The following MRC1 variants were observed in gnomAD, a reference collection of about 807,000 sequenced individuals.
MRC1 encodes mannose receptor C-type 1.
Under a neutral mutation model 102.9 loss-of-function variants are expected in MRC1, and 62 were observed. The ratio of observed to expected loss-of-function variants is 0.60; its 90% confidence interval spans 0.49 to 0.74. The LOEUF is 0.74. Among genes scored for constraint, MRC1 ranks in the 30% least tolerant of loss-of-function variants. The pLI is 0.00. For synonymous variants in MRC1, 457 were observed against 298.4 expected, an observed-to-expected ratio of 1.53 and a Z score of -5.48; for missense variants, 1,237 against 862.8, an observed-to-expected ratio of 1.43 and a Z score of -5.43.
chr10:17,896,274 C>A (rs955090624), intron 23 of MRC1, among the ~76,000 whole-genome samples: 95 of 152,274 alleles, frequency 6.2e-4, no homozygotes, highest in African/African-American at 2.2e-3. Context: ...TGACTGAAAA[C>A]CATCTAAGAT....
chr10:17,906,992 T>C lies in MRC1; in HGVS notation c.3906T>C (p.Asn1302=), dbSNP rs1833904090. ...ATTTTTGGATAGGATTGTTCAGAAA[T>C]GTTGAAGGTAATTTTTGCAGCATGC... ...KTNFWIGLFR[N]VEGTWLWINN... is the part of the protein sequence containing the mutation. The change falls in exon 27 of 30, where the codon AAT becomes AAC. Residue 1302 remains asparagine, a synonymous_variant. Coordinates refer to ENST00000569591, the MANE Select transcript of MRC1 (RefSeq NM_002438.4). The C allele has an allele frequency of 3.8e-6, 3 of 782,590 alleles. No individual in the cohort carries two copies. Among genetic ancestry groups the C allele is most frequent in the Admixed American group, 1.7e-5 (1 of 58,996 alleles). 48.5% of individuals were successfully genotyped at this position (782,590 alleles called of 1,614,324 possible).
intron 22 of MRC1, 145 bp downstream of exon 22, chr10:17,885,580 G>A (rs1833581042): frequency 7.5e-6 from 5 of 667,552 alleles, no homozygotes; most frequent in South Asian, 5.5e-5. Flanking sequence ...TTCAGACTGA[G>A]CTGACTTTGA....
chr10:17,898,407 G>T lies in MRC1; in HGVS notation c.3483+141G>T, dbSNP rs1040081669. Reference sequence around the variant, plus strand: ...ATGTGAATGATACTAACATCAACAAGATCCAATCTTTCAGGGACGTGATGC... The same window carrying T: ...ATGTGAATGATACTAACATCAACAATATCCAATCTTTCAGGGACGTGATGC... On this transcript the variant is annotated intron_variant, in intron 24 of 29. Transcript: ENST00000569591. 37 of 736,646 alleles carry T rather than the reference G, an allele frequency of 5.0e-5. 1 individual carries two copies. Among genetic ancestry groups the T allele is most frequent in the African/African-American group, 4.8e-4 (28 of 58,080 alleles). 45.6% of individuals were successfully genotyped at this position (736,646 alleles called of 1,614,324 possible). A position where few individuals can be genotyped will look rare whatever the true frequency, so the allele number is the denominator to read the frequency against.
chr10:17,819,663 C>G (rs1471419830), intron 1 of MRC1, among the ~76,000 whole-genome samples: 1 of 152,124 alleles, frequency 6.6e-6, no homozygotes, highest in Non-Finnish European at 1.5e-5. Context: ...CAGTCTAGAG[C>G]TGGGTGAGGT....
rs1423792887 is a variant in MRC1, at chr10:17,827,434, A to G, written c.464-108A>G. On this transcript the variant is annotated intron_variant, in intron 2 of 29. Transcript: ENST00000569591. The stretch of plus-strand genomic sequence containing the variant: ...AAGAAATCCCTCTGTGGGTGCATCA[A>G]GTGTAATCAGAACAGTAAGACCAAT... 1.4e-5 allele frequency: 9 copies of G among 642,744 alleles called. 1 individual carries two copies. The East Asian group carries it at 2.0e-4, about 15-fold the overall frequency. The allele number at this position is 642,744 out of a possible 1,614,324, so 39.8% of individuals were successfully genotyped here.
At position 17,856,294 on chromosome 10, in the gene MRC1, A is replaced by T; in HGVS notation, c.1460A>T (p.Lys487Met). The change falls in exon 9 of 30, where the codon AAG becomes ATG. Residue 487 changes from lysine to methionine, a missense_variant. Physicochemically the swap from Lys to Met is moderately conservative, Grantham distance 95 (BLOSUM62 -1). Transcript: ENST00000569591. The stretch of plus-strand genomic sequence containing the variant: ...GAGTGGCCTCTTGGCTACATCTGCA[A>T]GATGAAATCACGAAGCCAAGGTCCA... Reference protein sequence around the residue: ...GCEWPLGYICKMKSRSQGPEI... With the variant: ...GCEWPLGYICMMKSRSQGPEI... The T allele has an allele frequency of 1.2e-6, 1 of 866,698 alleles. No homozygotes were observed. Among genetic ancestry groups the T allele is most frequent in the Non-Finnish European group, 2.0e-6 (1 of 498,956 alleles). The allele number at this position is 866,698 out of a possible 1,614,324, so 53.7% of individuals were successfully genotyped here.
intron 4 of MRC1, among the ~76,000 whole-genome samples, chr10:17,840,065 CAAAAA>C (rs35908194): frequency 1.9e-5 from 2 of 103,070 alleles, no homozygotes; most frequent in South Asian, 7.4e-4. Context: ...GACTCCAACT[CAAAAA>C]AAAAAAAAAA....
At chr10:17,810,730 C>T (rs1014571323) in intron 1 of MRC1, among the ~76,000 whole-genome samples, 1 of 152,086 alleles carries the variant, frequency 6.6e-6, no homozygotes, top group Non-Finnish European at 1.5e-5. Flanking sequence ...TAAGTGTTAG[C>T]TATTAAAATC....
Position 17,885,445 on chromosome 10 carries a change from A to G in MRC1, c.3147+10A>G. On this transcript the variant is annotated intron_variant, in intron 22 of 29. Transcript: ENST00000569591. Reference sequence around the variant, plus strand: ...TCTTTCTTATGAAGATGTAAATATCAGATTCAGGTCACCTCTCTACACACC... The same window carrying G: ...TCTTTCTTATGAAGATGTAAATATCGGATTCAGGTCACCTCTCTACACACC... 1 of 780,678 alleles carries G rather than the reference A, an allele frequency of 1.3e-6. No homozygotes were observed. The highest frequency in any genetic ancestry group is 2.4e-6 in the Non-Finnish European group (1 of 417,932). 48.4% of individuals were successfully genotyped at this position (780,678 alleles called of 1,614,324 possible). A position where few individuals can be genotyped will look rare whatever the true frequency, so the allele number is the denominator to read the frequency against.
At chr10:17,849,152 A>G (rs1838873373) in intron 6 of MRC1, among the ~76,000 whole-genome samples, 1 of 149,158 alleles carries the variant, frequency 6.7e-6, no homozygotes, top group South Asian at 2.3e-4. Context: ...GAGATTTCCC[A>G]TAGCCAAGTA....
Position 17,885,374 on chromosome 10 carries a change from A to G in MRC1, c.3086A>G (p.His1029Arg). The change falls in exon 22 of 30, where the codon CAT becomes CGT. Residue 1029 changes from histidine to arginine, a missense_variant. Physicochemically the swap from His to Arg is conservative, Grantham distance 29. Coordinates refer to ENST00000569591, the MANE Select transcript of MRC1 (RefSeq NM_002438.4). ...TFLWTDGRGVHYTNWGKGYPG... is the reference protein window; with the variant it reads ...TFLWTDGRGVRYTNWGKGYPG... ...CTTTGGACGGATGGACGAGGAGTCC[A>G]TTACACAAACTGGGGGAAAGGTTAC... 1.3e-6 allele frequency: 1 copy of G among 780,890 alleles called. No homozygotes were observed. Among genetic ancestry groups the G allele is most frequent in the Non-Finnish European group, 2.4e-6 (1 of 417,954 alleles). 48.4% of individuals were successfully genotyped at this position (780,890 alleles called of 1,614,324 possible).
In MRC1 at chr10:17,861,417, A is replaced by G; in HGVS notation, c.1549A>G (p.Met517Val). 1 of 872,530 alleles carries G rather than the reference A, an allele frequency of 1.1e-6. No individual in the cohort carries two copies. Among genetic ancestry groups the G allele is most frequent in the Non-Finnish European group, 2.0e-6 (1 of 501,398 alleles). The allele number at this position is 872,530 out of a possible 1,614,324, so 54.0% of individuals were successfully genotyped here. The change falls in exon 10 of 30, where the codon ATG becomes GTG. Residue 517 changes from methionine to valine, a missense_variant. Physicochemically the swap from Met to Val is conservative, Grantham distance 21. Transcript: ENST00000569591. The part of the protein sequence containing the change: ...GWKKHHFYCY[M>V]IGHTLSTFAE... Reference sequence around the variant, plus strand: ...GAAAAAACATCACTTTTACTGCTATATGATTGGACATACGCTTTCAACATT... The same window carrying G: ...GAAAAAACATCACTTTTACTGCTATGTGATTGGACATACGCTTTCAACATT...
chr10:17,873,665 A>G, intron 15 of MRC1, 119 bp from the exon 16 acceptor site: 1 of 759,306 alleles, frequency 1.3e-6, no homozygotes, highest in Non-Finnish European at 2.4e-6. Flanking sequence ...AAGGGAAGGG[A>G]AAAAAGAGAA....
chr10:17,864,256 G>A (rs1465245261), intron 11 of MRC1, among the ~76,000 whole-genome samples: 7 of 152,110 alleles, frequency 4.6e-5, no homozygotes, highest in African/African-American at 1.7e-4. Flanking sequence ...GCCTGCCTTG[G>A]CCTCCCAAAG....
At chr10:17,907,868 C>T (rs1350902521) in intron 28 of MRC1, among the ~76,000 whole-genome samples, 170 bp downstream of exon 28, 3 of 152,170 alleles carry the variant, frequency 2.0e-5, no homozygotes, top group Non-Finnish European at 2.9e-5. Context: ...TGCAGCTCTG[C>T]GTGAGTGAGA....
chr10:17,842,451 T>G (rs1178707597), intron 5 of MRC1, among the ~76,000 whole-genome samples: 1 of 152,206 alleles, frequency 6.6e-6, no homozygotes, highest in Non-Finnish European at 1.5e-5. Context: ...TACAGTGCTG[T>G]CACTCAAGTC....
chr10:17,866,673 T>A lies in MRC1; in HGVS notation c.1895T>A (p.Val632Glu), dbSNP rs1005932497. Residue 632 changes from valine to glutamate, a missense_variant, in exon 12 of 30, where the codon GTA (valine) becomes GAA (glutamate). Physicochemically the swap from Val to Glu is moderately radical, Grantham distance 121 (BLOSUM62 -2). Transcript: ENST00000569591. ...GTGTGCAAGCACTGGGCAGAAGGAG[T>A]AACCCACCCACCGAAGCCCACGACG... ...KFVCKHWAEG[V>E]THPPKPTTTP... The A allele has an allele frequency of 1.4e-4, 113 of 780,520 alleles. 3 individuals are homozygous for A. The highest frequency in any genetic ancestry group is 1.1e-3 in the South Asian group (79 of 74,602). 48.3% of individuals were successfully genotyped at this position (780,520 alleles called of 1,614,324 possible).
chr10:17,833,538 G>T, intron 3 of MRC1, 137 bp from the exon 4 acceptor site: 3 of 590,056 alleles, frequency 5.1e-6, no homozygotes, highest in Non-Finnish European at 6.1e-6. Context: ...AAAAAAAAAA[G>T]TAGAAAGGGG....
Position 17,900,841 on chromosome 10 carries a change from G to A in MRC1, c.3537G>A (p.Trp1179Ter). Reference sequence around the variant, plus strand: ...AGTGGAGGGTGAGGTACACTAACTGGGCTGCTGATGAGCCCAAATTGAAAT... The same window carrying A: ...AGTGGAGGGTGAGGTACACTAACTGAGCTGCTGATGAGCCCAAATTGAAAT... ...TDKWRVRYTN[W>*]AADEPKLKSA... The change falls in exon 25 of 30, where the codon TGG (tryptophan) becomes TGA (stop). Residue 1179 changes from tryptophan (W) to a stop codon, truncating the protein, a stop_gained. Transcript: ENST00000569591. LOFTEE classifies it high-confidence loss of function. The A allele has an allele frequency of 1.3e-6, 1 of 780,784 alleles. No homozygotes were observed. Among genetic ancestry groups the A allele is most frequent in the East Asian group, 2.4e-5 (1 of 41,228 alleles). The allele number at this position is 780,784 out of a possible 1,614,324, so 48.4% of individuals were successfully genotyped here.
Sources: gnomAD v4.1 joint callset for allele counts (sites outside exome capture counted in the v4.1 genomes callset) on GRCh38, gnomAD v4.1.1 for gene constraint, MANE v1.5 for transcripts, NCBI Gene and HGNC (gene_info 2026-07-23, HGNC 2026-07-21) for gene names.